CFTR: variants seen among roughly 807,000 people sequenced by gnomAD.
CFTR encodes the protein cystic fibrosis transmembrane conductance regulator.
A neutral mutation model predicts 171.6 loss-of-function variants in CFTR; 181 were observed. That is an observed-to-expected ratio of 1.05 (90% confidence interval 0.93 to 1.19). The LOEUF (loss-of-function observed/expected upper bound fraction) is 1.19. Ranked by LOEUF, CFTR falls within the 50% of genes most tolerant of loss-of-function variation. The pLI is 0.00. For missense variants in CFTR, 1,968 were observed against 1,734.7 expected (o/e 1.13, Z -2.39); for synonymous variants, 583 against 608.0 (o/e 0.96, Z 0.60).
chr7:117,509,005 T>TA (rs1317364776), intron 2 of CFTR, 29 bp from the exon 3 acceptor site: 4 of 1,349,190 alleles, frequency 3.0e-6, no homozygotes, highest in Non-Finnish European at 4.3e-6. Flanking sequence ...ACATGCAACT[T>TA]ATTGGTCCCA....
intron 1 of CFTR, among the ~76,000 whole-genome samples, chr7:117,488,622 T>A (rs933732329): frequency 1.6e-4 from 25 of 152,162 alleles, no homozygotes; most frequent in African/African-American, 4.3e-4. Flanking sequence ...ACAATTTTTT[T>A]AAAAAACAAT....
At chr7:117,626,031 C>T (rs957914423) in intron 21 of CFTR, among the ~76,000 whole-genome samples, 1 of 152,028 alleles carries the variant, frequency 6.6e-6, no homozygotes, top group African/African-American at 2.4e-5. Flanking sequence ...CTTTTCACAT[C>T]CGTTAACAGT....
chr7:117,496,256 T>A (rs1240322705), intron 1 of CFTR, among the ~76,000 whole-genome samples: 1 of 152,138 alleles, frequency 6.6e-6, no homozygotes, highest in Non-Finnish European at 1.5e-5. Flanking sequence ...CAGGTTGGAA[T>A]GTGCAGTGGC....
intron 10 of CFTR, among the ~76,000 whole-genome samples, chr7:117,552,341 T>C (rs1247982456): frequency 6.6e-6 from 1 of 152,098 alleles, no homozygotes; most frequent in Non-Finnish European, 1.5e-5. Context: ...AGCTATATTG[T>C]GTTTAGGTTT....
intron 11 of CFTR, among the ~76,000 whole-genome samples, chr7:117,573,047 TCTCTCTCTCTTG>T (rs140989181): frequency 0.16 from 24,807 of 151,536 alleles, 2,256 homozygotes; most frequent in Non-Finnish European, 0.21. Flanking sequence ...TCTCTCTCTC[TCTCTCTCTCTTG>T]CTCTCTCTCT....
At chr7:117,485,546 A>T (rs954174301) in intron 1 of CFTR, among the ~76,000 whole-genome samples, 1 of 152,216 alleles carries the variant, frequency 6.6e-6, no homozygotes. Flanking sequence ...GTGTGAAATT[A>T]GCATTACAGA....
Position 117,666,929 on chromosome 7 carries a change from C to T in CFTR, c.4264C>T (p.Arg1422Trp), listed in dbSNP as rs373172017. 4.7e-5 allele frequency: 76 copies of T among 1,613,848 alleles called. No individual in the cohort carries two copies. The highest frequency in any genetic ancestry group is 1.9e-4 in the South Asian group (17 of 91,064). ...QFLVIEENKV[R>W]QYDSIQKLLN... ...CTAGGTCATAGAAGAGAACAAAGTG[C>T]GGCAGTACGATTCCATCCAGAAACT... Residue 1422 changes from arginine (R) to tryptophan (W), a missense_variant, in exon 27 of 27, where the codon CGG becomes TGG. Transcript: ENST00000003084.
At position 117,667,016 on chromosome 7, in the gene CFTR, C is replaced by T. The variant is rs1793393897; in HGVS notation, c.4351C>T (p.Pro1451Ser). 1.9e-6 allele frequency: 3 copies of T among 1,613,898 alleles called. No homozygotes were observed. The highest frequency in any genetic ancestry group is 1.7e-5 in the Admixed American group (1 of 59,974). The change falls in exon 27 of 27, where the codon CCC (proline) becomes TCC (serine). Residue 1451 changes from proline to serine, a missense_variant. Pro to Ser is a moderately conservative substitution (Grantham distance 74). Coordinates refer to ENST00000003084, the MANE Select transcript of CFTR (RefSeq NM_000492.4). The stretch of plus-strand genomic sequence containing the variant: ...CCCCTCCGACAGGGTGAAGCTCTTT[C>T]CCCACCGGAACTCAAGCAAGTGCAA... ...ISPSDRVKLFPHRNSSKCKSK... is the reference protein window; with the variant it reads ...ISPSDRVKLFSHRNSSKCKSK...
At position 117,610,623 on chromosome 7, in the gene CFTR, A is replaced by C; in HGVS notation, c.3093A>C (p.Ala1031=). Residue 1031 remains alanine (A), a synonymous_variant, in exon 19 of 27, where the codon GCA becomes GCC. Transcript: ENST00000003084. The stretch of plus-strand genomic sequence containing the variant: ...TAGTGGCTTTTATTATGTTGAGAGC[A>C]TATTTCCTCCAAACCTCACAGCAAC... ...PVIVAFIMLR[A]YFLQTSQQLK... is the part of the protein sequence containing the mutation. The C allele has an allele frequency of 1.2e-6, 2 of 1,613,646 alleles. No homozygotes were observed. Among genetic ancestry groups the C allele is most frequent in the Non-Finnish European group, 1.7e-6 (2 of 1,179,738 alleles).
chr7:117,623,373 C>T (rs1302048524), intron 21 of CFTR, among the ~76,000 whole-genome samples: 1 of 152,218 alleles, frequency 6.6e-6, no homozygotes, highest in East Asian at 1.9e-4. Context: ...GTTTTCTGTG[C>T]ACAGGAAGCA....
intron 24 of CFTR, among the ~76,000 whole-genome samples, chr7:117,660,458 C>G (rs1458247458): frequency 1.3e-5 from 2 of 151,902 alleles, no homozygotes; most frequent in Non-Finnish European, 1.5e-5. Flanking sequence ...ATGTAGAAAT[C>G]CCCTCTCCAC....
At chr7:117,588,086 A>G (rs1409518244) in intron 12 of CFTR, among the ~76,000 whole-genome samples, 1 of 152,108 alleles carries the variant, frequency 6.6e-6, no homozygotes, top group Non-Finnish European at 1.5e-5. Context: ...GCCTCATAGT[A>G]TAGTTTACTA....
At chr7:117,537,918 A>G (rs1444856809) in intron 7 of CFTR, among the ~76,000 whole-genome samples, 1 of 152,152 alleles carries the variant, frequency 6.6e-6, no homozygotes, top group Non-Finnish European at 1.5e-5. Context: ...ATATATAGCA[A>G]GGGTGATGAC....
intron 24 of CFTR, among the ~76,000 whole-genome samples, chr7:117,663,341 C>A (rs1473440988): frequency 6.6e-6 from 1 of 151,970 alleles, no homozygotes; most frequent in African/African-American, 2.4e-5. Context: ...AGAGTAGTCC[C>A]CCTTGTCTAA....
chr7:117,578,815 G>A (rs1791810637), intron 11 of CFTR, among the ~76,000 whole-genome samples: 1 of 151,970 alleles, frequency 6.6e-6, no homozygotes, highest in Non-Finnish European at 1.5e-5. Context: ...CAACCAAATA[G>A]CCAAATATTT....
chr7:117,661,963 T>C (rs961164479), intron 24 of CFTR, among the ~76,000 whole-genome samples: 13 of 148,196 alleles, frequency 8.8e-5, no homozygotes, highest in Non-Finnish European at 1.9e-4. Flanking sequence ...CCAGACCTTT[T>C]CTTGCTGGTT....
chr7:117,592,854 A>T lies in CFTR; in HGVS notation c.2490+197A>T, dbSNP rs34581373. 5.1e-3 allele frequency among the ~76,000 whole-genome samples: 778 copies of T among 152,314 alleles called. 4 individuals carry two copies. The highest frequency in any genetic ancestry group is 0.017 in the African/African-American group (716 of 41,570). ...AACAAATGATTTCTTTTTGCAATGG[A>T]CATATCTCTTCCCATAAAATGGGAA... On this transcript the variant is annotated intron_variant, in intron 14 of 26. Transcript: ENST00000003084.
intron 15 of CFTR, 107 bp from the exon 16 acceptor site, chr7:117,602,719 G>A: frequency 3.3e-6 from 3 of 913,214 alleles, no homozygotes; most frequent in Non-Finnish European, 5.6e-6. Context: ...TGTGTACCTT[G>A]ATATTGGTAC....
chr7:117,630,864 C>T (rs1016578847), intron 22 of CFTR, among the ~76,000 whole-genome samples: 1 of 152,000 alleles, frequency 6.6e-6, no homozygotes, highest in African/African-American at 2.4e-5. Context: ...AAAGGGTGCT[C>T]CAGGCAAAGG....
Sources: gnomAD v4.1 joint callset for allele counts (sites outside exome capture counted in the v4.1 genomes callset) on GRCh38, gnomAD v4.1.1 for gene constraint, MANE v1.5 for transcripts, NCBI Gene and HGNC (gene_info 2026-07-23, HGNC 2026-07-21) for gene names.